Variants in MCOLN1 observed in about 807,000 individuals in gnomAD.
MCOLN1 encodes the protein mucolipin-1.
MCOLN1 carries 50 observed loss-of-function variants against 70.3 expected under a neutral mutation model. The observed-to-expected ratio is 0.71, with a 90% CI of 0.57 to 0.90. MCOLN1 has a LOEUF of 0.90. Among genes scored for constraint, MCOLN1 ranks in the 40% least tolerant of loss-of-function variants. MCOLN1 has a pLI of 0.00. For synonymous variants in MCOLN1, 366 were observed against 341.0 expected (o/e 1.07, Z -0.81); for missense variants, 598 against 803.5 (o/e 0.74, Z 3.09).
intron 1 of MCOLN1, among the ~76,000 whole-genome samples, chr19:7,523,664 G>A (rs1212402951): frequency 6.6e-6 from 1 of 152,230 alleles, no homozygotes; most frequent in Non-Finnish European, 1.5e-5. Context: ...GACAGGGACA[G>A]TTTTGGGCTA....
Position 7,528,006 on chromosome 19 carries a change from G to A in MCOLN1, c.777+46G>A, listed in dbSNP as rs1352817022. The A allele has an allele frequency of 6.4e-7, 1 of 1,564,676 alleles. No homozygotes were observed. Among genetic ancestry groups the A allele is most frequent in the East Asian group, 2.2e-5 (1 of 44,654 alleles). On this transcript the variant is annotated intron_variant, in intron 6 of 13. Transcript: ENST00000264079. This position sits in a 1 kb window ranked among gnomAD's most constrained non-coding sequence, Gnocchi z 4.2. ...ACAGGGCTCCTGAGTTCCAGGGCAG[G>A]GACCTGGTCAGGGAGTGTCTTGGGA...
chr19:7,529,523 C>CCCG, intron 10 of MCOLN1, 67 bp from the exon 11 acceptor site: 1 of 1,156,276 alleles, frequency 8.6e-7, no homozygotes, highest in Non-Finnish European at 1.2e-6. Context: ...CCACCCCCAT[C>CCCG]TGGGTGCCCA....
At chr19:7,527,654 C>T (rs773228887) in intron 5 of MCOLN1, 26 bp downstream of exon 5, 2 of 1,520,854 alleles carry the variant, frequency 1.3e-6, no homozygotes, top group Non-Finnish European at 1.8e-6. Context: ...TCGAGGGGGG[C>T]CCAGGGTGGG....
chr19:7,526,387 TAC>T lies in MCOLN1; in HGVS notation c.238-49_238-48del. On this transcript the variant is annotated intron_variant, in intron 2 of 13. Coordinates refer to ENST00000264079, the MANE Select transcript of MCOLN1 (RefSeq NM_020533.3). The surrounding 1 kb of genome is among the most constrained non-coding windows in gnomAD (Gnocchi z 4.6). Reference sequence around the variant, plus strand: ...TCCAGGGCCTGTGCCCTGAGGGAGATACACCCCAACCCCCATCCTAGCCATGC... The same window carrying T: ...TCCAGGGCCTGTGCCCTGAGGGAGATACCCCAACCCCCATCCTAGCCATGC... 1 of 1,609,056 alleles carries T rather than the reference TAC, an allele frequency of 6.2e-7. No homozygotes were observed. Among genetic ancestry groups the T allele is most frequent in the Non-Finnish European group, 8.5e-7 (1 of 1,175,444 alleles).
Position 7,528,055 on chromosome 19 carries a change from G to T in MCOLN1, c.777+95G>T. 5 of 1,516,810 alleles carry T rather than the reference G, an allele frequency of 3.3e-6. No individual in the cohort carries two copies. The highest frequency in any genetic ancestry group is 1.4e-5 in the African/African-American group (1 of 72,988). 94.0% of individuals were successfully genotyped at this position (1,516,810 alleles called of 1,614,324 possible). On this transcript the variant is annotated intron_variant, in intron 6 of 13. Transcript: ENST00000264079. The surrounding 1 kb of genome is among the most constrained non-coding windows in gnomAD (Gnocchi z 4.2). The stretch of plus-strand genomic sequence containing the variant: ...GAGCACTGGCCAAGGGCAAGCGTGC[G>T]GGTGATGAGGGAGGGAGCCCGGGGT...
At position 7,528,007 on chromosome 19, in the gene MCOLN1, G is replaced by A; in HGVS notation, c.777+47G>A. ...CAGGGCTCCTGAGTTCCAGGGCAGG[G>A]ACCTGGTCAGGGAGTGTCTTGGGAG... On this transcript the variant is annotated intron_variant, in intron 6 of 13. Coordinates refer to ENST00000264079, the MANE Select transcript of MCOLN1 (RefSeq NM_020533.3). The surrounding 1 kb of genome is among the most constrained non-coding windows in gnomAD (Gnocchi z 4.2). 1 of 1,573,902 alleles carries A rather than the reference G, an allele frequency of 6.4e-7. No homozygotes were observed. The highest frequency in any genetic ancestry group is 8.7e-7 in the Non-Finnish European group (1 of 1,143,594).
chr19:7,530,253 T>C (rs1339161017), intron 11 of MCOLN1, 33 bp from the exon 12 acceptor site: 1 of 1,586,882 alleles, frequency 6.3e-7, no homozygotes, highest in South Asian at 1.1e-5. Flanking sequence ...GGCCATGCCT[T>C]GGCTCCCTCT....
Position 7,533,941 on chromosome 19 carries a change from G to A in MCOLN1, c.*146G>A, listed in dbSNP as rs1050575580. ...CCTGGACCTTTCGTGTCGGACCCTT[G>A]GGGGCGGGGAGACTGGGTGGGGAGG... On this transcript the variant is annotated 3_prime_UTR_variant, in exon 14 of 14. Coordinates refer to ENST00000264079, the MANE Select transcript of MCOLN1 (RefSeq NM_020533.3). The A allele has an allele frequency of 5.6e-6, 5 of 900,450 alleles. No individual in the cohort carries two copies. In the Admixed American group the frequency reaches 6.1e-5, roughly 11 times the overall value. 55.8% of individuals were successfully genotyped at this position (900,450 alleles called of 1,614,324 possible). A position where few individuals can be genotyped will look rare whatever the true frequency, so the allele number is the denominator to read the frequency against.
chr19:7,526,776 G>A lies in MCOLN1; in HGVS notation c.421G>A (p.Asp141Asn). 1.9e-6 allele frequency: 3 copies of A among 1,614,112 alleles called. No individual in the cohort carries two copies. The highest frequency in any genetic ancestry group is 2.2e-5 in the East Asian group (1 of 44,880). ...CTGCCCACAGTACCTGGCGTTGCCT[G>A]ACGTGTCACTGGGCCGGTATGCGTA... ...HAVDQYLALP[D>N]VSLGRYAYVR... The change falls in exon 4 of 14, where the codon GAC (aspartate) becomes AAC (asparagine). Residue 141 changes from aspartate (D) to asparagine (N), a missense_variant. Asp to Asn is a conservative substitution (Grantham distance 23). This residue lies in a region of MCOLN1 where 461 missense variants were observed against 588.4 expected (regional missense o/e 0.78). Coordinates refer to ENST00000264079, the MANE Select transcript of MCOLN1 (RefSeq NM_020533.3). The surrounding 1 kb of genome is among the most constrained non-coding windows in gnomAD (Gnocchi z 4.6).
chr19:7,527,009 T>C lies in MCOLN1; in HGVS notation c.571+83T>C, dbSNP rs988177827. The C allele has an allele frequency of 3.7e-5, 58 of 1,558,646 alleles. No homozygotes were observed. In the African/African-American group the frequency reaches 6.6e-4, roughly 18 times the overall value. On this transcript the variant is annotated intron_variant, in intron 4 of 13. Transcript: ENST00000264079. ...AACAGCTGTGGCTGGGCACGGTGGCTCACGCCTATAATACCAGCACTTTGG... is the reference window on the plus strand; with the variant it reads ...AACAGCTGTGGCTGGGCACGGTGGCCCACGCCTATAATACCAGCACTTTGG...
intron 10 of MCOLN1, 78 bp from the exon 11 acceptor site, chr19:7,529,512 C>CCCCCCCCCCCAA: frequency 1.0e-6 from 1 of 992,996 alleles, no homozygotes; most frequent in Non-Finnish European, 1.5e-6. Context: ...CCCCGCCCCT[C>CCCCCCCCCCCAA]CCACCCCCAT....
In MCOLN1 at chr19:7,524,098, G is replaced by T. The variant is rs1825527801; in HGVS notation, c.32-863G>T. 6.6e-6 allele frequency among the ~76,000 whole-genome samples: 1 copy of T among 151,858 alleles called. No homozygotes were observed. Among genetic ancestry groups the T allele is most frequent in the African/African-American group, 2.4e-5 (1 of 41,334 alleles). ...TACCTAGGCTGGATCCTCCCACCTT[G>T]GCCTCCCAAAGCCGTTGGGATAACA... On this transcript the variant is annotated intron_variant, in intron 1 of 13. Coordinates refer to ENST00000264079, the MANE Select transcript of MCOLN1 (RefSeq NM_020533.3). The surrounding 1 kb of genome is among the most constrained non-coding windows in gnomAD (Gnocchi z 4.1).
At chr19:7,532,507 G>C (rs752598759) in intron 12 of MCOLN1, among the ~76,000 whole-genome samples, 6 of 152,070 alleles carry the variant, frequency 3.9e-5, no homozygotes, top group Non-Finnish European at 8.8e-5. Flanking sequence ...CTGAGGTTAG[G>C]AGTTCGAGAC....
chr19:7,522,822 G>T (rs2022514083), intron 1 of MCOLN1, 41 bp downstream of exon 1: 2 of 1,312,372 alleles, frequency 1.5e-6, no homozygotes, highest in Non-Finnish European at 1.9e-6. Context: ...GAACTCAGGC[G>T]GGCGGGCTGT....
Position 7,530,376 on chromosome 19 carries a change from C to G in MCOLN1, c.1450C>G (p.Gln484Glu). 1 of 1,613,906 alleles carries G rather than the reference C, an allele frequency of 6.2e-7. No individual in the cohort carries two copies. Among genetic ancestry groups the G allele is most frequent in the Non-Finnish European group, 8.5e-7 (1 of 1,180,022 alleles). The change falls in exon 12 of 14, where the codon CAG (glutamine) becomes GAG (glutamate). Residue 484 changes from glutamine (Q) to glutamate (E), a missense_variant. Around this residue, in one of 3 missense-constraint regions of MCOLN1, gnomAD observed 78 missense variants for 156.2 expected, o/e 0.50. Coordinates refer to ENST00000264079, the MANE Select transcript of MCOLN1 (RefSeq NM_020533.3). ...GACGTTCGCCGCCATGCAGGCGCAG[C>G]AGGGCCGCAGCAGCCTGGTGTGGCT... ...FVTFAAMQAQ[Q>E]GRSSLVWLFS...
At position 7,525,040 on chromosome 19, in the gene MCOLN1, A is replaced by G. The variant is rs764335587; in HGVS notation, c.111A>G (p.Glu37=). The change falls in exon 2 of 14, where the codon GAA becomes GAG. Residue 37 remains glutamate, a synonymous_variant. Coordinates refer to ENST00000264079, the MANE Select transcript of MCOLN1 (RefSeq NM_020533.3). The surrounding 1 kb of genome is among the most constrained non-coding windows in gnomAD (Gnocchi z 4.2). ...CACCGGCCCCTCCGACACCCCCAGA[A>G]GAGGAAGACCTTCGCCGTCGTCTCA... ...GPSPAPPTPP[E]EEDLRRRLKY... is the part of the protein sequence containing the mutation. 6.2e-7 allele frequency: 1 copy of G among 1,614,102 alleles called. No individual in the cohort carries two copies. The highest frequency in any genetic ancestry group is 8.5e-7 in the Non-Finnish European group (1 of 1,180,020).
rs754837574 is a variant in MCOLN1, at chr19:7,528,899, T to C, written c.1063T>C (p.Tyr355His). The C allele has an allele frequency of 6.2e-7, 1 of 1,613,466 alleles. No homozygotes were observed. Among genetic ancestry groups the C allele is most frequent in the East Asian group, 2.2e-5 (1 of 44,784 alleles). ...GCGGCTGGAATTTGTCAATGGCTGG[T>C]ACATCCTGCTCGTCACCAGCGATGT... is the stretch of plus-strand genomic sequence containing the variant. ...WERLEFVNGW[Y>H]ILLVTSDVLT... Residue 355 changes from tyrosine (Y) to histidine (H), a missense_variant, in exon 9 of 14, where the codon TAC becomes CAC. This residue lies in a region of MCOLN1 where 461 missense variants were observed against 588.4 expected (regional missense o/e 0.78). Coordinates refer to ENST00000264079, the MANE Select transcript of MCOLN1 (RefSeq NM_020533.3). The surrounding 1 kb of genome is among the most constrained non-coding windows in gnomAD (Gnocchi z 4.2).
At chr19:7,529,294 C>T (rs2022619547) in intron 10 of MCOLN1, 92 bp downstream of exon 10, 11 of 1,192,918 alleles carry the variant, frequency 9.2e-6, no homozygotes, top group Non-Finnish European at 1.3e-5. Context: ...CAGCCCCGGC[C>T]AATGGCCCCT....
In MCOLN1 at chr19:7,526,819, A is replaced by G; in HGVS notation, c.464A>G (p.Asp155Gly). 6.2e-7 allele frequency: 1 copy of G among 1,613,910 alleles called. No individual in the cohort carries two copies. Among genetic ancestry groups the G allele is most frequent in the Non-Finnish European group, 8.5e-7 (1 of 1,179,976 alleles). ...TATGCGTATGTCCGTGGTGGGGGTGACCCTTGGACCAATGGCTCAGGGCTT... is the reference window on the plus strand; with the variant it reads ...TATGCGTATGTCCGTGGTGGGGGTGGCCCTTGGACCAATGGCTCAGGGCTT... Reference protein sequence around the residue: ...GRYAYVRGGGDPWTNGSGLAL... With the variant: ...GRYAYVRGGGGPWTNGSGLAL... The change falls in exon 4 of 14, where the codon GAC (aspartate) becomes GGC (glycine). Residue 155 changes from aspartate (D) to glycine (G), a missense_variant. Asp to Gly is a moderately conservative substitution (Grantham distance 94). Coordinates refer to ENST00000264079, the MANE Select transcript of MCOLN1 (RefSeq NM_020533.3). This position sits in a 1 kb window ranked among gnomAD's most constrained non-coding sequence, Gnocchi z 4.6.
Sources: gnomAD v4.1 joint callset for allele counts (sites outside exome capture counted in the v4.1 genomes callset) on GRCh38, gnomAD v4.1.1 for gene constraint, gnomAD v4.1.1 regional missense constraint, Gnocchi (gnomAD v3.1) non-coding constraint, MANE v1.5 for transcripts, NCBI Gene and HGNC (gene_info 2026-07-23, HGNC 2026-07-21) for gene names.